SLIT2: variants seen among roughly 807,000 people sequenced by gnomAD.
The protein encoded by SLIT2 is slit guidance ligand 2.
In SLIT2, 41 loss-of-function variants were observed where a neutral mutation model predicts 185.7. The observed-to-expected ratio is 0.22, with a 90% CI of 0.17 to 0.29. The LOEUF (loss-of-function observed/expected upper bound fraction) is 0.29. SLIT2 is among the 10% of genes least tolerant of loss of function. The probability of loss-of-function intolerance (pLI) is 1.00; values close to 1 mark genes in which losing one functional copy is unlikely to be tolerated. For missense variants in SLIT2, 1,571 were observed against 1,909.0 expected, an observed-to-expected ratio of 0.82 and a Z score of 3.30; for synonymous variants, 693 against 680.2, an observed-to-expected ratio of 1.02 and a Z score of -0.29.
At chr4:20,389,551 C>T (rs1437104641) in intron 4 of SLIT2, among the ~76,000 whole-genome samples, 1 of 151,324 alleles carries the variant, frequency 6.6e-6, no homozygotes. Flanking sequence ...TTTTAACCAC[C>T]GAGATTTTGA....
chr4:20,434,232 A>C (rs899976193), intron 4 of SLIT2, among the ~76,000 whole-genome samples: 3 of 152,152 alleles, frequency 2.0e-5, no homozygotes, highest in Non-Finnish European at 4.4e-5. Context: ...TCACACCTGT[A>C]ATCCCAGCAC....
chr4:20,423,219 T>TTC (rs1328577956), intron 4 of SLIT2, among the ~76,000 whole-genome samples: 1 of 152,048 alleles, frequency 6.6e-6, no homozygotes, highest in African/African-American at 2.4e-5. Context: ...CTTATTTTGT[T>TTC]TAATTTCTAG....
chr4:20,584,246 A>G (rs1726855553), intron 29 of SLIT2, among the ~76,000 whole-genome samples: 1 of 152,230 alleles, frequency 6.6e-6, no homozygotes, highest in Non-Finnish European at 1.5e-5. Context: ...CAACTCTCGT[A>G]TATTGCATAC....
At chr4:20,268,414 A>T (rs773408907) in intron 3 of SLIT2, among the ~76,000 whole-genome samples, 1 of 151,642 alleles carries the variant, frequency 6.6e-6, no homozygotes, top group Non-Finnish European at 1.5e-5. Flanking sequence ...TCCTTGGCTG[A>T]ACTTTTAGGC....
At chr4:20,535,119 T>C (rs938916022) in intron 18 of SLIT2, among the ~76,000 whole-genome samples, 8 of 151,994 alleles carry the variant, frequency 5.3e-5, no homozygotes, top group African/African-American at 1.9e-4. Flanking sequence ...GCCAATATGA[T>C]GACATCCGGT....
At chr4:20,394,958 G>T (rs1725764620) in intron 4 of SLIT2, 1 of 151,980 alleles carries the variant, frequency 6.6e-6, no homozygotes, top group South Asian at 2.1e-4. Flanking sequence ...AGGCTTTGTT[G>T]TTGGTGGTGG....
intron 4 of SLIT2, among the ~76,000 whole-genome samples, chr4:20,329,221 T>C (rs1209859132): frequency 6.6e-6 from 1 of 151,990 alleles, no homozygotes; most frequent in Non-Finnish European, 1.5e-5. Context: ...AGGAAATACG[T>C]AGATGAAATG....
At chr4:20,439,982 C>T (rs763262240) in intron 4 of SLIT2, among the ~76,000 whole-genome samples, 1 of 152,154 alleles carries the variant, frequency 6.6e-6, no homozygotes, top group Non-Finnish European at 1.5e-5. Context: ...AGTTTTCCAT[C>T]TATTAGGTTT....
At chr4:20,545,358 T>C (rs941641230) in intron 21 of SLIT2, among the ~76,000 whole-genome samples, 1 of 152,074 alleles carries the variant, frequency 6.6e-6, no homozygotes. Flanking sequence ...ATTATCTCTC[T>C]GTCCTGCCAG....
At chr4:20,261,062 T>A (rs1197633414) in intron 3 of SLIT2, among the ~76,000 whole-genome samples, 1 of 151,810 alleles carries the variant, frequency 6.6e-6, no homozygotes, top group Non-Finnish European at 1.5e-5. Context: ...CGAGCACACA[T>A]TATTTTCTGT....
chr4:20,272,283 A>AT (rs958398667), intron 4 of SLIT2, among the ~76,000 whole-genome samples: 20 of 151,184 alleles, frequency 1.3e-4, no homozygotes, highest in African/African-American at 4.2e-4. Context: ...AAAAAAAAAA[A>AT]AATAAGCCAG....
intron 4 of SLIT2, chr4:20,392,407 T>C (rs1238267492): frequency 1.3e-5 from 2 of 152,094 alleles, no homozygotes; most frequent in African/African-American, 2.4e-5. Context: ...CATCGTTCAT[T>C]GAATGAGTGA....
chr4:20,519,512 T>G (rs959668327), intron 12 of SLIT2, 59 bp downstream of exon 12: 13 of 1,038,306 alleles, frequency 1.3e-5, no homozygotes, highest in Non-Finnish European at 1.9e-5. Flanking sequence ...GCCATTTTGT[T>G]GTCTCATATT....
At chr4:20,308,002 G>A (rs1319196127) in intron 4 of SLIT2, among the ~76,000 whole-genome samples, 1 of 152,144 alleles carries the variant, frequency 6.6e-6, no homozygotes, top group Non-Finnish European at 1.5e-5. Context: ...TACTGTCTTT[G>A]AAAGACTCAC....
rs569026835 is a variant in SLIT2 at position 20,265,135 on chromosome 4, C to T, written c.324-3675C>T. 2.6e-5 allele frequency among the ~76,000 whole-genome samples: 4 copies of T among 152,002 alleles called. 1 individual carries two copies. Among genetic ancestry groups the T allele is most frequent in the South Asian group, 4.2e-4 (2 of 4,816 alleles). ...TTACGTTAGAGATCTTATTCTGACA[C>T]GATCATCTTCAAGCTGTTAAGCAAA... is the stretch of plus-strand genomic sequence containing the variant. On this transcript the variant is annotated intron_variant, in intron 3 of 36. Transcript: ENST00000504154.
intron 29 of SLIT2, among the ~76,000 whole-genome samples, chr4:20,576,558 G>GA (rs1726101128): frequency 9.9e-5 from 15 of 152,156 alleles, no homozygotes; most frequent in Non-Finnish European, 4.4e-5. Flanking sequence ...GATGTGTAAG[G>GA]TCTTTATATC....
intron 29 of SLIT2, among the ~76,000 whole-genome samples, chr4:20,588,300 T>A (rs184006453): frequency 1.6e-4 from 25 of 152,350 alleles, no homozygotes; most frequent in African/African-American, 5.3e-4. Context: ...TGAATACATT[T>A]ATTAATTTGC....
At chr4:20,418,356 T>A (rs1210693743) in intron 4 of SLIT2, among the ~76,000 whole-genome samples, 12 of 152,294 alleles carry the variant, frequency 7.9e-5, no homozygotes, top group African/African-American at 2.9e-4. Context: ...CGTGGTTAAT[T>A]AAGACTTGCT....
In SLIT2 at chr4:20,533,591, A is replaced by T; in HGVS notation, c.1708A>T (p.Ile570Phe). ...LRKINFSNNK[I>F]TDIEEGAFEG... The stretch of plus-strand genomic sequence containing the variant: ...ATTTAGAAACTTTAGCAACAATAAG[A>T]TCACAGATATTGAGGAGGGAGCATT... The change falls in exon 18 of 37, where the codon ATC (isoleucine) becomes TTC (phenylalanine). Residue 570 changes from isoleucine to phenylalanine, a missense_variant. This residue lies in a region of SLIT2 where 1,202 missense variants were observed against 1,416.4 expected (regional missense o/e 0.85). Transcript: ENST00000504154. 2 of 1,610,868 alleles carry T rather than the reference A, an allele frequency of 1.2e-6. No homozygotes were observed. Among genetic ancestry groups the T allele is most frequent in the Non-Finnish European group, 1.7e-6 (2 of 1,177,378 alleles).
Sources: allele counts gnomAD v4.1 joint callset (sites outside exome capture counted in the v4.1 genomes callset), GRCh38; gene constraint gnomAD v4.1.1; regional missense constraint gnomAD v4.1.1; transcripts MANE v1.5; gene names NCBI Gene and HGNC (gene_info 2026-07-23, HGNC 2026-07-21).